ANKS1B: variants seen among roughly 807,000 people sequenced by gnomAD.
The protein encoded by ANKS1B is ankyrin repeat and sterile alpha motif domain-containing protein 1B.
Under a neutral mutation model 148.3 loss-of-function variants are expected in ANKS1B, and 36 were observed. The ratio of observed to expected loss-of-function variants is 0.24; its 90% CI spans 0.19 to 0.32. The LOEUF (loss-of-function observed/expected upper bound fraction) is 0.32, where lower values mean the gene tolerates loss of function less well. Among genes scored for constraint, ANKS1B ranks in the 10% least tolerant of loss-of-function variants. The pLI is 1.00. For missense variants in ANKS1B, 1,157 were observed against 1,542.6 expected (o/e 0.75, Z 4.19); for synonymous variants, 542 against 560.8 (o/e 0.97, Z 0.47).
At chr12:99,088,844 T>TTTG (rs894025704) in intron 15 of ANKS1B, among the ~76,000 whole-genome samples, 3 of 135,464 alleles carry the variant, frequency 2.2e-5, no homozygotes, top group African/African-American at 5.5e-5. Flanking sequence ...TTCTGTTTTT[T>TTTG]TTTTTTTTTT....
At chr12:99,075,665 T>C (rs1023088359) in intron 16 of ANKS1B, among the ~76,000 whole-genome samples, 7 of 151,974 alleles carry the variant, frequency 4.6e-5, no homozygotes, top group African/African-American at 1.4e-4. Flanking sequence ...AAGGTGATCT[T>C]TTACAGTCTT....
In ANKS1B at chr12:99,246,624, G is replaced by A. The variant is rs778391997; in HGVS notation, c.1997C>T (p.Pro666Leu). The change falls in exon 13 of 27, where the codon CCC becomes CTC. Residue 666 changes from proline (P) to leucine (L), a missense_variant. By Grantham distance (98) the Pro-to-Leu change is moderately conservative. Coordinates refer to ENST00000683438, the MANE Select transcript of ANKS1B (RefSeq NM_001352186.2). ...NSEPLVKKIK[P>L]KVVSRTIFHK... ...AAAAATTGTTCTACTGACCACTTTG[G>A]GTTTAATTTTCTTTACCAAAGGTTC... 3 of 1,613,504 alleles carry A rather than the reference G, an allele frequency of 1.9e-6. No individual in the cohort carries two copies. The highest frequency in any genetic ancestry group is 1.7e-6 in the Non-Finnish European group (2 of 1,179,710).
chr12:99,757,591 T>C (rs2061687045), intron 8 of ANKS1B, among the ~76,000 whole-genome samples: 1 of 152,110 alleles, frequency 6.6e-6, no homozygotes, highest in Non-Finnish European at 1.5e-5. Context: ...TTACTGGGTA[T>C]ATACCCAATG....
chr12:99,569,250 A>G (rs1027391819), intron 9 of ANKS1B, among the ~76,000 whole-genome samples: 2 of 152,224 alleles, frequency 1.3e-5, no homozygotes, highest in Non-Finnish European at 2.9e-5. Context: ...TCTGGAGGCT[A>G]TAATTACTGG....
intron 4 of ANKS1B, among the ~76,000 whole-genome samples, chr12:99,803,635 G>A (rs1266033050): frequency 6.6e-6 from 1 of 152,156 alleles, no homozygotes. Context: ...GAATGACAAT[G>A]GCAATGATAT....
intron 17 of ANKS1B, among the ~76,000 whole-genome samples, chr12:98,952,096 T>C (rs929213142): frequency 7.9e-5 from 12 of 152,256 alleles, no homozygotes; most frequent in Non-Finnish European, 1.8e-4. Context: ...GAACTGCATA[T>C]AAACTGCATT....
intron 10 of ANKS1B, among the ~76,000 whole-genome samples, chr12:99,464,706 A>C (rs2152874321): frequency 6.6e-6 from 1 of 152,344 alleles, no homozygotes; most frequent in Middle Eastern, 3.4e-3. Context: ...TGGAAGATGA[A>C]ATGAATGAAA....
At chr12:98,931,828 ACT>A (rs2099813883) in intron 17 of ANKS1B, 3 of 152,134 alleles carry the variant, frequency 2.0e-5, no homozygotes, top group African/African-American at 7.2e-5. Flanking sequence ...CTGAACCAAA[ACT>A]CTATTTTTTA....
At chr12:99,147,039 G>A (rs1601024692) in intron 15 of ANKS1B, among the ~76,000 whole-genome samples, 1 of 152,268 alleles carries the variant, frequency 6.6e-6, no homozygotes, top group Admixed American at 6.5e-5. Flanking sequence ...CATGTGGCTT[G>A]CAAAGCCTAA....
chr12:98,822,372 A>G (rs569568020), intron 19 of ANKS1B, among the ~76,000 whole-genome samples: 6 of 152,326 alleles, frequency 3.9e-5, no homozygotes, highest in South Asian at 2.1e-4. Flanking sequence ...AGGGCAGATT[A>G]TAACAGCCAA....
chr12:99,614,074 T>A (rs76187806), intron 9 of ANKS1B, among the ~76,000 whole-genome samples: 30,541 of 151,862 alleles, frequency 0.2, 3,468 homozygotes, highest in Admixed American at 0.28. Context: ...TTCATTCATT[T>A]ATTTTTCTTC....
At chr12:99,418,321 A>T (rs1457360134) in intron 11 of ANKS1B, among the ~76,000 whole-genome samples, 1 of 152,242 alleles carries the variant, frequency 6.6e-6, no homozygotes, top group Non-Finnish European at 1.5e-5. Context: ...CCAAAACATA[A>T]AATGAGGGAT....
At chr12:99,625,573 A>G (rs534506576) in intron 9 of ANKS1B, among the ~76,000 whole-genome samples, 1 of 152,150 alleles carries the variant, frequency 6.6e-6, no homozygotes, top group Non-Finnish European at 1.5e-5. Flanking sequence ...AGGAATAGCA[A>G]CTGAAGAAAG....
intron 8 of ANKS1B, among the ~76,000 whole-genome samples, chr12:99,682,159 G>T (rs2098623631): frequency 6.6e-6 from 1 of 152,164 alleles, no homozygotes; most frequent in South Asian, 2.1e-4. Flanking sequence ...CACAATATTA[G>T]TGGAGGACTT....
intron 12 of ANKS1B, among the ~76,000 whole-genome samples, chr12:99,368,908 T>C (rs943618239): frequency 6.6e-6 from 1 of 152,130 alleles, no homozygotes; most frequent in Non-Finnish European, 1.5e-5. Context: ...TAACAGCCAA[T>C]AAACGTAGAA....
intron 25 of ANKS1B, among the ~76,000 whole-genome samples, chr12:98,762,807 T>G (rs1338931501): frequency 6.6e-6 from 1 of 152,222 alleles, no homozygotes; most frequent in Non-Finnish European, 1.5e-5. Context: ...TAGGGCTGAT[T>G]CCCCCAGTTG....
chr12:99,758,356 A>T (rs778120082), intron 8 of ANKS1B, among the ~76,000 whole-genome samples: 2 of 151,878 alleles, frequency 1.3e-5, no homozygotes, highest in Non-Finnish European at 2.9e-5. Context: ...TTATGGGGTA[A>T]CCTTTCAGTG....
chr12:99,131,665 C>T (rs1363903399), intron 15 of ANKS1B, among the ~76,000 whole-genome samples: 1 of 152,170 alleles, frequency 6.6e-6, no homozygotes, highest in African/African-American at 2.4e-5. Flanking sequence ...TGTAAATTAT[C>T]CTGTAACTTC....
chr12:99,267,658 TA>T, intron 12 of ANKS1B, among the ~76,000 whole-genome samples: 1 of 152,272 alleles, frequency 6.6e-6, no homozygotes, highest in South Asian at 2.1e-4. Context: ...CAAGGTCCAT[TA>T]TCTTGAACAG....
Sources: gnomAD v4.1 joint callset for allele counts (sites outside exome capture counted in the v4.1 genomes callset) on GRCh38, gnomAD v4.1.1 for gene constraint, MANE v1.5 for transcripts, NCBI Gene and HGNC (gene_info 2026-07-23, HGNC 2026-07-21) for gene names.